Variants in RAD51B observed in about 807,000 individuals in gnomAD.
RAD51B encodes RAD51 paralog B.
A neutral mutation model predicts 42.2 loss-of-function variants in RAD51B; 38 were observed. That is an observed-to-expected ratio of 0.90 (90% CI 0.70 to 1.18). The LOEUF is 1.18. Among genes scored for constraint, RAD51B ranks in the 50% most tolerant of loss-of-function variants. RAD51B has a pLI of 0.00. For missense variants in RAD51B, 373 were observed against 400.7 expected, an observed-to-expected ratio of 0.93 and a Z score of 0.59; for synonymous variants, 154 against 145.2, an observed-to-expected ratio of 1.06 and a Z score of -0.43.
At chr14:68,530,437 ACCCTGT>A (rs1173719825) in intron 10 of RAD51B, among the ~76,000 whole-genome samples, 14 of 116,232 alleles carry the variant, frequency 1.2e-4, no homozygotes, top group African/African-American at 4.4e-4. Flanking sequence ...ACAGAGAAAG[ACCCTGT>A]CTCAAAAAAA....
rs564549985 is a variant in RAD51B at position 68,432,116 on chromosome 14, C to T, written c.957+20589C>T. On this transcript the variant is annotated intron_variant, in intron 9 of 10. Coordinates refer to ENST00000471583, the MANE Select transcript of RAD51B (RefSeq NM_133510.4). ...TTTGATTGCACTGTGGTCTGAGAGACAGTTTGTTATAATTTCTGTTCTTTT... is the reference window on the plus strand; with the variant it reads ...TTTGATTGCACTGTGGTCTGAGAGATAGTTTGTTATAATTTCTGTTCTTTT... 3.0e-3 allele frequency among the ~76,000 whole-genome samples: 459 copies of T among 152,250 alleles called. 2 individuals carry two copies. The highest frequency in any genetic ancestry group is 0.01 in the African/African-American group (432 of 41,546).
At chr14:68,339,335 C>T in intron 8 of RAD51B, 1 of 1,021,276 alleles carries the variant, frequency 9.8e-7, no homozygotes, top group South Asian at 1.3e-5. Flanking sequence ...TGGCTCTCTG[C>T]CGCTGCAACC....
At chr14:67,831,393 A>G (rs565065631) in intron 3 of RAD51B, among the ~76,000 whole-genome samples, 1 of 152,344 alleles carries the variant, frequency 6.6e-6, no homozygotes, top group South Asian at 2.1e-4. Flanking sequence ...TGATGCCAAC[A>G]GTTACAGGTC....
chr14:68,074,410 C>G lies in RAD51B; in HGVS notation c.756+187206C>G, dbSNP rs529940885. 7.3e-4 allele frequency among the ~76,000 whole-genome samples: 111 copies of G among 152,124 alleles called. 1 individual carries two copies. The highest frequency in any genetic ancestry group is 2.7e-3 in the African/African-American group (111 of 41,506). On this transcript the variant is annotated intron_variant, in intron 7 of 10. Transcript: ENST00000471583. ...TTCTTTCTTAAATTGAGTGTTTTGT[C>G]TTTTATTCTCTTGAATCATTTGATT...
At chr14:67,904,831 C>T (rs970839516) in intron 7 of RAD51B, among the ~76,000 whole-genome samples, 1 of 151,746 alleles carries the variant, frequency 6.6e-6, no homozygotes, top group Non-Finnish European at 1.5e-5. Flanking sequence ...TGTTAAGATA[C>T]ATAGTTTGCA....
At chr14:67,989,233 G>A (rs1247568804) in intron 7 of RAD51B, among the ~76,000 whole-genome samples, 3 of 152,106 alleles carry the variant, frequency 2.0e-5, no homozygotes, top group African/African-American at 4.8e-5. Context: ...ATTCTGTGAC[G>A]TCTTTGATGG....
At chr14:68,159,012 A>G (rs999031565) in intron 7 of RAD51B, among the ~76,000 whole-genome samples, 18 of 151,778 alleles carry the variant, frequency 1.2e-4, no homozygotes, top group African/African-American at 4.4e-4. Flanking sequence ...TTTTTTTGCA[A>G]CTTTTATTGT....
chr14:67,971,148 T>C (rs2074891161), intron 7 of RAD51B, among the ~76,000 whole-genome samples: 1 of 152,282 alleles, frequency 6.6e-6, no homozygotes, highest in Admixed American at 6.5e-5. Context: ...TAAATTGCTC[T>C]GGAGTGCTTC....
chr14:68,541,352 C>G, intron 10 of RAD51B: 1 of 985,478 alleles, frequency 1.0e-6, no homozygotes, highest in Non-Finnish European at 1.2e-6. Context: ...TGGCCCCTTT[C>G]CAGCAGGAGA....
intron 8 of RAD51B, among the ~76,000 whole-genome samples, chr14:68,303,457 T>TAAAA (rs58955054): frequency 1.1e-4 from 15 of 138,706 alleles, no homozygotes; most frequent in East Asian, 2.1e-4. Context: ...TAAAGTATAA[T>TAAAA]AAAAAAAAAA....
chr14:68,589,664 G>A (rs948555622), intron 10 of RAD51B, among the ~76,000 whole-genome samples: 1 of 152,132 alleles, frequency 6.6e-6, no homozygotes, highest in Non-Finnish European at 1.5e-5. Flanking sequence ...CCTCTTCCTG[G>A]GTTTGTTAGA....
chr14:67,924,409 T>C (rs1233085255), intron 7 of RAD51B, among the ~76,000 whole-genome samples: 1 of 152,342 alleles, frequency 6.6e-6, no homozygotes, highest in African/African-American at 2.4e-5. Flanking sequence ...TTGTATAAAG[T>C]GTGTCTTAGT....
At chr14:68,433,327 T>C (rs1335239228) in intron 9 of RAD51B, among the ~76,000 whole-genome samples, 1 of 152,174 alleles carries the variant, frequency 6.6e-6, no homozygotes, top group African/African-American at 2.4e-5. Context: ...TCCTGGGTAA[T>C]ATCCTGCAGA....
chr14:68,135,802 A>G (rs1371585019), intron 7 of RAD51B, among the ~76,000 whole-genome samples: 1 of 152,230 alleles, frequency 6.6e-6, no homozygotes, highest in Non-Finnish European at 1.5e-5. Flanking sequence ...AGAAATCCTC[A>G]TACTTAGTTA....
chr14:68,582,716 T>C (rs8017453), intron 10 of RAD51B, among the ~76,000 whole-genome samples: 75,653 of 152,002 alleles, frequency 0.5, 19,267 homozygotes, highest in African/African-American at 0.61. Context: ...ATGTTTATTG[T>C]GGCACTGTTC....
intron 7 of RAD51B, among the ~76,000 whole-genome samples, chr14:68,080,800 A>G (rs8014000): frequency 0.26 from 39,283 of 152,092 alleles, 6,560 homozygotes; most frequent in African/African-American, 0.48. Context: ...AGAAAAAGAA[A>G]AACAGTTTAG....
intron 7 of RAD51B, among the ~76,000 whole-genome samples, chr14:68,114,541 G>A (rs2077509643): frequency 6.6e-6 from 1 of 151,988 alleles, no homozygotes; most frequent in African/African-American, 2.4e-5. Flanking sequence ...TATAAAACGT[G>A]CTAAAATTGT....
At chr14:68,414,822 G>A (rs1268749842) in intron 9 of RAD51B, among the ~76,000 whole-genome samples, 1 of 133,160 alleles carries the variant, frequency 7.5e-6, no homozygotes, top group African/African-American at 2.9e-5. Flanking sequence ...AGGAGTTCGA[G>A]ACCAGCCTGA....
chr14:67,992,361 GAA>G (rs2075309629), intron 7 of RAD51B, among the ~76,000 whole-genome samples: 1 of 152,162 alleles, frequency 6.6e-6, no homozygotes, highest in Non-Finnish European at 1.5e-5. Flanking sequence ...TCCATATAAA[GAA>G]TATTTGTCTG....
Sources: allele counts gnomAD v4.1 joint callset (sites outside exome capture counted in the v4.1 genomes callset), GRCh38; gene constraint gnomAD v4.1.1; transcripts MANE v1.5; gene names NCBI Gene and HGNC (gene_info 2026-07-23, HGNC 2026-07-21).